The following MCU variants were observed in gnomAD, a reference collection of about 807,000 sequenced individuals.
MCU encodes mitochondrial calcium uniporter.
MCU carries 12 observed loss-of-function variants against 45.2 expected under a neutral mutation model. The ratio of observed to expected loss-of-function variants is 0.27; its 90% CI spans 0.17 to 0.43. The LOEUF is 0.43. Among genes scored for constraint, MCU ranks in the 20% least tolerant of loss-of-function variants. The pLI, the probability that MCU is intolerant of heterozygous loss-of-function variation, is 1.00. For missense variants in MCU, 324 were observed against 436.7 expected (o/e 0.74, Z 2.30); for synonymous variants, 160 against 165.1 (o/e 0.97, Z 0.24).
rs183244198 is a variant in MCU, at chr10:72,859,647, C to T, written c.391+300C>T. On this transcript the variant is annotated intron_variant, in intron 3 of 7. Transcript: ENST00000373053. ...TCAATCACATTTTATATTATTGAGA[C>T]TTTTTATCATTACTTTCGGTGTAGA... Among the ~76,000 whole-genome samples, 1,177 of 152,220 alleles carry T rather than the reference C, an allele frequency of 7.7e-3. 7 individuals are homozygous for T. The highest frequency in any genetic ancestry group is 0.017 in the Middle Eastern group (5 of 294).
At chr10:72,718,675 C>T (rs1310003241) in intron 1 of MCU, among the ~76,000 whole-genome samples, 2 of 152,086 alleles carry the variant, frequency 1.3e-5, no homozygotes, top group Admixed American at 1.3e-4. Context: ...CTATATTCAC[C>T]AAAAGACCTG....
intron 6 of MCU, among the ~76,000 whole-genome samples, chr10:72,878,513 T>A (rs1048804464): frequency 3.9e-5 from 6 of 152,274 alleles, no homozygotes; most frequent in Admixed American, 3.9e-4. Context: ...ACACAAGGAC[T>A]CCAGATATTG....
intron 1 of MCU, among the ~76,000 whole-genome samples, chr10:72,728,891 G>C (rs1407226757): frequency 6.6e-6 from 1 of 152,168 alleles, no homozygotes; most frequent in East Asian, 1.9e-4. Context: ...TGTTTAGGAG[G>C]AGAATAGCAT....
chr10:72,839,025 C>T (rs1845004928), intron 2 of MCU, among the ~76,000 whole-genome samples: 1 of 151,722 alleles, frequency 6.6e-6, no homozygotes, highest in Admixed American at 6.6e-5. Flanking sequence ...AGTCCCGCTC[C>T]ATCACCCAGG....
intron 1 of MCU, among the ~76,000 whole-genome samples, chr10:72,699,614 G>C (rs1205764656): frequency 6.8e-6 from 1 of 147,590 alleles, no homozygotes; most frequent in Non-Finnish European, 1.5e-5. Flanking sequence ...TTTTTATTGA[G>C]ATGGAGTCAC....
At chr10:72,816,352 A>G (rs1844626346) in intron 1 of MCU, among the ~76,000 whole-genome samples, 1 of 152,228 alleles carries the variant, frequency 6.6e-6, no homozygotes. Flanking sequence ...AGATTTATTC[A>G]GTTGTACAAT....
chr10:72,749,234 G>T (rs912873323), intron 1 of MCU, among the ~76,000 whole-genome samples: 2 of 152,078 alleles, frequency 1.3e-5, no homozygotes, highest in Non-Finnish European at 2.9e-5. Context: ...ACAGTGAGCC[G>T]TAATCATGCC....
At chr10:72,845,096 G>A (rs1564572714) in intron 2 of MCU, among the ~76,000 whole-genome samples, 1 of 152,140 alleles carries the variant, frequency 6.6e-6, no homozygotes, top group Non-Finnish European at 1.5e-5. Context: ...TGAAGTATTA[G>A]TATAGGAAAG....
chr10:72,749,149 G>A (rs1232566352), intron 1 of MCU, among the ~76,000 whole-genome samples: 1 of 151,902 alleles, frequency 6.6e-6, no homozygotes, highest in Non-Finnish European at 1.5e-5. Flanking sequence ...GCCAGTCATG[G>A]TGGCACATGT....
At chr10:72,826,824 A>G (rs1844805335) in intron 1 of MCU, among the ~76,000 whole-genome samples, 1 of 152,130 alleles carries the variant, frequency 6.6e-6, no homozygotes, top group Non-Finnish European at 1.5e-5. Context: ...CCTGAGTAGT[A>G]TGGTGAGATC....
intron 1 of MCU, 132 bp from the exon 2 acceptor site, chr10:72,834,227 G>A: frequency 1.9e-6 from 1 of 518,216 alleles, no homozygotes; most frequent in Non-Finnish European, 3.3e-6. Context: ...TCTTTTATCT[G>A]TATTTTTAAA....
At chr10:72,856,768 T>TAAA (rs1204072398) in intron 2 of MCU, among the ~76,000 whole-genome samples, 3 of 64,976 alleles carry the variant, frequency 4.6e-5, no homozygotes, top group East Asian at 8.9e-4. Context: ...ACCCTGTCTC[T>TAAA]AAAAAAAAAA....
intron 1 of MCU, among the ~76,000 whole-genome samples, chr10:72,791,918 C>T (rs1844167223): frequency 6.6e-6 from 1 of 151,772 alleles, no homozygotes; most frequent in African/African-American, 2.4e-5. Flanking sequence ...TTATCAAAAG[C>T]AGCTATACAT....
chr10:72,795,455 G>A (rs1398096039), intron 1 of MCU, among the ~76,000 whole-genome samples: 1 of 152,142 alleles, frequency 6.6e-6, no homozygotes, highest in Non-Finnish European at 1.5e-5. Flanking sequence ...CATTAAAACT[G>A]CTAAAAATTT....
At chr10:72,839,740 T>G (rs1845018269) in intron 2 of MCU, among the ~76,000 whole-genome samples, 1 of 150,158 alleles carries the variant, frequency 6.7e-6, no homozygotes, top group Non-Finnish European at 1.5e-5. Flanking sequence ...GATCATGAGG[T>G]CAGGAGATCG....
intron 1 of MCU, among the ~76,000 whole-genome samples, chr10:72,752,160 A>G (rs958158439): frequency 6.6e-6 from 1 of 151,600 alleles, no homozygotes; most frequent in East Asian, 1.9e-4. Context: ...TCTTTAATTC[A>G]TTTGTCTATT....
chr10:72,753,676 A>G (rs1843533364), intron 1 of MCU, among the ~76,000 whole-genome samples: 1 of 152,132 alleles, frequency 6.6e-6, no homozygotes, highest in Non-Finnish European at 1.5e-5. Flanking sequence ...GAAGTTTGAG[A>G]CCAACCTGGG....
chr10:72,850,457 T>C (rs1335534182), intron 2 of MCU, among the ~76,000 whole-genome samples: 1 of 152,194 alleles, frequency 6.6e-6, no homozygotes, highest in African/African-American at 2.4e-5. Flanking sequence ...TCAAGATATA[T>C]ACAGGTGATA....
intron 1 of MCU, among the ~76,000 whole-genome samples, chr10:72,781,640 C>T (rs1311534923): frequency 7.8e-4 from 119 of 152,316 alleles, no homozygotes; most frequent in Non-Finnish European, 1.8e-4. Flanking sequence ...TCCTGAGAAT[C>T]AGTTGAGGCT....
Sources: gnomAD v4.1 joint callset for allele counts (sites outside exome capture counted in the v4.1 genomes callset) on GRCh38, gnomAD v4.1.1 for gene constraint, MANE v1.5 for transcripts, NCBI Gene and HGNC (gene_info 2026-07-23, HGNC 2026-07-21) for gene names.